DLGAP2: variants seen among roughly 807,000 people sequenced by gnomAD.
DLGAP2 encodes the protein disks large-associated protein 2.
DLGAP2 carries 26 observed loss-of-function variants against 100.3 expected under a neutral mutation model. That is an observed-to-expected ratio of 0.26 (90% confidence interval 0.19 to 0.36). The LOEUF is 0.36. DLGAP2 is among the 10% of genes least tolerant of loss of function. DLGAP2 has a pLI of 1.00. For synonymous variants in DLGAP2, 886 were observed against 630.1 expected (o/e 1.41, Z -6.08); for missense variants, 1,858 against 1,453.2 (o/e 1.28, Z -4.53).
chr8:1,437,004 A>G (rs1401668600), intron 3 of DLGAP2, among the ~76,000 whole-genome samples: 1 of 152,132 alleles, frequency 6.6e-6, no homozygotes, highest in African/African-American at 2.4e-5. Context: ...CCAGGCGTGT[A>G]GGGGCGACGC....
chr8:824,313 C>T (rs974747858), intron 1 of DLGAP2, among the ~76,000 whole-genome samples: 7 of 152,024 alleles, frequency 4.6e-5, no homozygotes, highest in African/African-American at 1.7e-4. Flanking sequence ...TGGGCTCAAG[C>T]AATGTCTTTG....
At chr8:1,525,306 C>T (rs1470264617) in intron 4 of DLGAP2, among the ~76,000 whole-genome samples, 2 of 151,112 alleles carry the variant, frequency 1.3e-5, no homozygotes, top group African/African-American at 4.9e-5. Flanking sequence ...GTTACTACCA[C>T]TATGTATTAT....
At chr8:1,637,388 GCTTTACAAATAGGC>G (rs1797791691) in intron 8 of DLGAP2, among the ~76,000 whole-genome samples, 1 of 151,878 alleles carries the variant, frequency 6.6e-6, no homozygotes, top group Admixed American at 6.6e-5. Context: ...TGACACAAGG[GCTTTACAAATAGGC>G]TCAGAAACTG....
intron 3 of DLGAP2, among the ~76,000 whole-genome samples, chr8:1,279,354 A>C (rs1399938878): frequency 2.0e-5 from 3 of 152,224 alleles, no homozygotes; most frequent in Non-Finnish European, 2.9e-5. Context: ...TCTGTTTGGC[A>C]CTTTATGTAA....
intron 3 of DLGAP2, among the ~76,000 whole-genome samples, chr8:1,288,898 T>C (rs774547276): frequency 3.3e-5 from 5 of 152,176 alleles, no homozygotes; most frequent in Non-Finnish European, 5.9e-5. Flanking sequence ...ATTCAGTTGC[T>C]CGGCTTGTTT....
intron 1 of DLGAP2, among the ~76,000 whole-genome samples, chr8:797,376 G>A (rs900106673): frequency 2.6e-5 from 4 of 152,244 alleles, no homozygotes; most frequent in African/African-American, 7.2e-5. Flanking sequence ...GTTGGTGCAT[G>A]TATCAATAGT....
chr8:932,037 T>C (rs1211687041), intron 2 of DLGAP2, among the ~76,000 whole-genome samples: 3 of 152,226 alleles, frequency 2.0e-5, no homozygotes, highest in Non-Finnish European at 4.4e-5. Flanking sequence ...AGTGGAAATA[T>C]TCCCTTCTAG....
intron 4 of DLGAP2, among the ~76,000 whole-genome samples, chr8:1,539,315 G>A (rs1383046108): frequency 1.3e-5 from 2 of 152,210 alleles, no homozygotes; most frequent in African/African-American, 4.8e-5. Context: ...TCCACATTGA[G>A]ATGCAATCCA....
At chr8:1,341,148 G>A (rs894449504) in intron 3 of DLGAP2, among the ~76,000 whole-genome samples, 3 of 152,008 alleles carry the variant, frequency 2.0e-5, no homozygotes, top group African/African-American at 7.2e-5. Flanking sequence ...TTAATACTTG[G>A]GTGATGAAAT....
At chr8:804,965 C>A (rs1437043520) in intron 1 of DLGAP2, among the ~76,000 whole-genome samples, 1 of 152,024 alleles carries the variant, frequency 6.6e-6, no homozygotes, top group Non-Finnish European at 1.5e-5. Flanking sequence ...GAGACGAGGT[C>A]TCCCTATGTT....
At chr8:810,464 T>C (rs1291867642) in intron 1 of DLGAP2, among the ~76,000 whole-genome samples, 1 of 152,238 alleles carries the variant, frequency 6.6e-6, no homozygotes, top group East Asian at 1.9e-4. Context: ...ATGCTGATAA[T>C]TGGATTTCAC....
intron 3 of DLGAP2, among the ~76,000 whole-genome samples, chr8:1,289,387 C>G (rs908686527): frequency 3.3e-5 from 5 of 152,220 alleles, no homozygotes; most frequent in African/African-American, 1.2e-4. Context: ...GTTGCCACCT[C>G]AATTCCACTG....
At chr8:1,025,083 T>TGC (rs1426799556) in intron 2 of DLGAP2, among the ~76,000 whole-genome samples, 2 of 152,008 alleles carry the variant, frequency 1.3e-5, no homozygotes, top group Non-Finnish European at 2.9e-5. Flanking sequence ...CATGTGTGTG[T>TGC]GCGCGTGTAT....
intron 1 of DLGAP2, among the ~76,000 whole-genome samples, chr8:776,936 T>C (rs1010045708): frequency 6.6e-6 from 1 of 152,206 alleles, no homozygotes; most frequent in African/African-American, 2.4e-5. Context: ...ATCTGTCTAA[T>C]GTTGACAGTG....
intron 1 of DLGAP2, among the ~76,000 whole-genome samples, chr8:748,476 C>T (rs1451318641): frequency 1.3e-5 from 2 of 152,104 alleles, no homozygotes; most frequent in African/African-American, 4.8e-5. Context: ...GGTGGGTCAG[C>T]ATATCCCACA....
At position 1,501,643 on chromosome 8, in the gene DLGAP2, C is replaced by A. The variant is rs181529620; in HGVS notation, c.172+212C>A. 1.8e-4 allele frequency among the ~76,000 whole-genome samples: 28 copies of A among 152,352 alleles called. No homozygotes were observed. The East Asian group carries it at 5.0e-3, about 27-fold the overall frequency. On this transcript the variant is annotated intron_variant, in intron 4 of 14. Transcript: ENST00000637795. ...CTAGGTGAGGAAGGGCTGCTCCTGG[C>A]CCTCAGGAACTGAGGCAGCCGTTCA...
intron 3 of DLGAP2, among the ~76,000 whole-genome samples, chr8:1,335,832 A>G (rs1382352049): frequency 6.6e-6 from 1 of 152,228 alleles, no homozygotes; most frequent in Non-Finnish European, 1.5e-5. Flanking sequence ...GATAAATAAG[A>G]AAATGTGGCT....
At chr8:1,463,031 T>C (rs945322572) in intron 3 of DLGAP2, among the ~76,000 whole-genome samples, 32 of 152,074 alleles carry the variant, frequency 2.1e-4, no homozygotes, top group African/African-American at 6.8e-4. Flanking sequence ...GGTGGATCAT[T>C]TGAGGTCAGG....
chr8:972,608 A>ATTTTTTTCTTT lies in DLGAP2; in HGVS notation c.73+64652_73+64653insTTTTTTTTCTT, dbSNP rs71528628. On this transcript the variant is annotated intron_variant, in intron 2 of 14. Transcript: ENST00000637795. ...AAAGGTAGAAAATATTTTTTTTTGT[A>ATTTTTTTCTTT]TTTTTTTCTTATTTATTTATTTATT... is the stretch of plus-strand genomic sequence containing the variant. 3.6e-3 allele frequency among the ~76,000 whole-genome samples: 534 copies of ATTTTTTTCTTT among 149,286 alleles called. 7 individuals carry two copies. Among genetic ancestry groups the ATTTTTTTCTTT allele is most frequent in the African/African-American group, 0.012 (474 of 40,616 alleles).
Sources: gnomAD v4.1 joint callset for allele counts (sites outside exome capture counted in the v4.1 genomes callset) on GRCh38, gnomAD v4.1.1 for gene constraint, MANE v1.5 for transcripts, NCBI Gene and HGNC (gene_info 2026-07-23, HGNC 2026-07-21) for gene names.